The following PLXNA4 variants were observed in gnomAD, a reference collection of about 807,000 sequenced individuals.
PLXNA4 encodes the protein plexin-A4.
In PLXNA4, 44 loss-of-function variants were observed where a neutral mutation model predicts 191.8. That is an observed-to-expected ratio of 0.23 (90% CI 0.18 to 0.29). The LOEUF is 0.29. Ranked by LOEUF, PLXNA4 falls within the 10% of genes least tolerant of loss-of-function variation. The pLI is 1.00. For missense variants in PLXNA4, 1,800 were observed against 2,488.8 expected, an observed-to-expected ratio of 0.72 and a Z score of 5.89; for synonymous variants, 1,082 against 1,009.5, an observed-to-expected ratio of 1.07 and a Z score of -1.36.
chr7:132,238,812 A>AG (rs1491320119), intron 5 of PLXNA4, among the ~76,000 whole-genome samples: 5 of 150,754 alleles, frequency 3.3e-5, no homozygotes, highest in African/African-American at 1.2e-4. Context: ...CAGAGTCACA[A>AG]GAGGGGGGGG....
chr7:132,322,163 A>G (rs1303713423), intron 3 of PLXNA4, among the ~76,000 whole-genome samples: 1 of 138,818 alleles, frequency 7.2e-6, no homozygotes, highest in Non-Finnish European at 1.6e-5. Flanking sequence ...CCAAGGCTAG[A>G]GTTCAATTTC....
intron 2 of PLXNA4, among the ~76,000 whole-genome samples, chr7:132,506,258 G>C (rs965299060): frequency 7.2e-5 from 11 of 152,020 alleles, no homozygotes; most frequent in African/African-American, 2.7e-4. Context: ...GGCTGGGGAG[G>C]GTGCCAGTCC....
chr7:132,384,790 A>ACT lies in PLXNA4; in HGVS notation c.1372-86570_1372-86569dup, dbSNP rs1805051530. 9.2e-6 allele frequency: 10 copies of ACT among 1,088,986 alleles called. No individual in the cohort carries two copies. The South Asian group carries it at 2.2e-4, about 24-fold the overall frequency. 67.5% of individuals were successfully genotyped at this position (1,088,986 alleles called of 1,614,324 possible). On this transcript the variant is annotated intron_variant, in intron 3 of 31. Transcript: ENST00000321063. ...CACACACACACACACACACACACAC[A>ACT]CTGGCCAGGCGACTTGGCTGCAGAA...
At chr7:132,444,379 C>A (rs1014302845) in intron 3 of PLXNA4, among the ~76,000 whole-genome samples, 1 of 152,226 alleles carries the variant, frequency 6.6e-6, no homozygotes, top group African/African-American at 2.4e-5. Context: ...CTCAGCCTCC[C>A]GAGTAGCTGG....
chr7:132,310,282 G>A (rs1294111922), intron 3 of PLXNA4, among the ~76,000 whole-genome samples: 1 of 152,210 alleles, frequency 6.6e-6, no homozygotes, highest in African/African-American at 2.4e-5. Flanking sequence ...ACGTGCCTGT[G>A]AGCTGTGGCT....
intron 2 of PLXNA4, among the ~76,000 whole-genome samples, chr7:132,595,002 T>C (rs377301332): frequency 1.4e-5 from 2 of 142,070 alleles, no homozygotes; most frequent in Non-Finnish European, 1.5e-5. Context: ...GATAGATAGA[T>C]AGATAGATAG....
At chr7:132,562,969 TCTCCCTCCTCCTCC>T (rs1801338975) in intron 1 of PLXNA4, among the ~76,000 whole-genome samples, 1 of 86,076 alleles carries the variant, frequency 1.2e-5, no homozygotes, top group Non-Finnish European at 2.3e-5. Flanking sequence ...CTCCTCCTCC[TCTCCCTCCTCCTCC>T]TTCTCCTCCT....
rs115252434 is a variant in PLXNA4, at chr7:132,374,594, G to C, written c.1372-76372C>G. Among the ~76,000 whole-genome samples, 817 of 152,302 alleles carry C rather than the reference G, an allele frequency of 5.4e-3. 5 individuals are homozygous for C. Among genetic ancestry groups the C allele is most frequent in the African/African-American group, 0.019 (798 of 41,550 alleles). ...CCCAGAGTATCTGTGGGTCCCAGGAGCTGGTGTAGGTTCTGGGCTATTCTT... is the reference window on the plus strand; with the variant it reads ...CCCAGAGTATCTGTGGGTCCCAGGACCTGGTGTAGGTTCTGGGCTATTCTT... On this transcript the variant is annotated intron_variant, in intron 3 of 31. Transcript: ENST00000321063.
At chr7:132,215,831 C>T (rs1272191559) in intron 9 of PLXNA4, among the ~76,000 whole-genome samples, 1 of 152,186 alleles carries the variant, frequency 6.6e-6, no homozygotes, top group Admixed American at 6.5e-5. Context: ...TTCTATGCCC[C>T]TTCCCATACC....
chr7:132,327,599 C>T (rs17166347), intron 3 of PLXNA4, among the ~76,000 whole-genome samples: 38,247 of 151,968 alleles, frequency 0.25, 5,143 homozygotes, highest in African/African-American at 0.34. Context: ...GGTCGGACAC[C>T]CATGCAAAAT....
intron 1 of PLXNA4, among the ~76,000 whole-genome samples, chr7:132,563,693 T>A (rs1801509419): frequency 8.3e-6 from 1 of 120,858 alleles, no homozygotes. Context: ...CTCCTCCTCC[T>A]CCTTCTCCTC....
intron 4 of PLXNA4, among the ~76,000 whole-genome samples, chr7:132,287,100 T>A (rs1800710365): frequency 6.6e-6 from 1 of 151,954 alleles, no homozygotes. Flanking sequence ...AGTGGCATGA[T>A]CTCGGCTCAC....
intron 29 of PLXNA4, among the ~76,000 whole-genome samples, chr7:132,141,532 G>C (rs749866974): frequency 2.6e-5 from 4 of 152,120 alleles, no homozygotes; most frequent in Non-Finnish European, 4.4e-5. Context: ...CTGCATTCTG[G>C]TGGGTTCATG....
intron 3 of PLXNA4, among the ~76,000 whole-genome samples, chr7:132,314,921 AG>A (rs1258307655): frequency 6.6e-6 from 1 of 152,236 alleles, no homozygotes; most frequent in African/African-American, 2.4e-5. Flanking sequence ...ATTTCTAAGC[AG>A]GTAATTATTT....
chr7:132,292,266 AG>A (rs975300781), intron 4 of PLXNA4, among the ~76,000 whole-genome samples: 5 of 152,192 alleles, frequency 3.3e-5, no homozygotes, highest in African/African-American at 1.2e-4. Flanking sequence ...GTGTGGTATC[AG>A]GTAAATCAGA....
At chr7:132,333,920 C>G (rs1396868227) in intron 3 of PLXNA4, among the ~76,000 whole-genome samples, 1 of 152,194 alleles carries the variant, frequency 6.6e-6, no homozygotes, top group East Asian at 1.9e-4. Context: ...GAAAACTTAC[C>G]TTCCTCTCCG....
intron 3 of PLXNA4, among the ~76,000 whole-genome samples, chr7:132,486,903 G>A (rs2117513121): frequency 6.6e-6 from 1 of 152,192 alleles, no homozygotes; most frequent in African/African-American, 2.4e-5. Flanking sequence ...CAGGCTCCTG[G>A]GGGTGTCCTG....
At chr7:132,415,925 T>A (rs1794643735) in intron 3 of PLXNA4, among the ~76,000 whole-genome samples, 1 of 152,220 alleles carries the variant, frequency 6.6e-6, no homozygotes, top group Non-Finnish European at 1.5e-5. Context: ...TGATATAGAC[T>A]AGAGAGCACT....
intron 6 of PLXNA4, 30 bp from the exon 7 acceptor site, chr7:132,227,634 GA>G: frequency 6.2e-7 from 1 of 1,613,842 alleles, no homozygotes; most frequent in Non-Finnish European, 8.5e-7. Flanking sequence ...GGGAGAGAAG[GA>G]GGAGGGTGAA....
Sources: gnomAD v4.1 joint callset for allele counts (sites outside exome capture counted in the v4.1 genomes callset) on GRCh38, gnomAD v4.1.1 for gene constraint, MANE v1.5 for transcripts, NCBI Gene and HGNC (gene_info 2026-07-23, HGNC 2026-07-21) for gene names.